Variants in STAB2 observed in about 807,000 individuals in gnomAD.
The protein encoded by STAB2 is stabilin 2.
A neutral mutation model predicts 338.1 loss-of-function variants in STAB2; 288 were observed. The ratio of observed to expected loss-of-function variants is 0.85; its 90% confidence interval spans 0.77 to 0.94. The LOEUF (loss-of-function observed/expected upper bound fraction) is 0.94. Ranked by LOEUF, STAB2 falls within the 40% of genes least tolerant of loss-of-function variation. STAB2 has a pLI of 0.00. For synonymous variants in STAB2, 1,202 were observed against 1,193.3 expected (o/e 1.01, Z -0.15); for missense variants, 3,141 against 3,210.1 (o/e 0.98, Z 0.52).
chr12:103,705,807 C>G, intron 37 of STAB2, 80 bp downstream of exon 37: 2 of 1,366,232 alleles, frequency 1.5e-6, no homozygotes, highest in Non-Finnish European at 2.1e-6. Context: ...TTCAAAATCC[C>G]TGTGCAGGTA....
At chr12:103,717,897 C>A in intron 44 of STAB2, 56 bp downstream of exon 44, 1 of 1,586,658 alleles carries the variant, frequency 6.3e-7, no homozygotes, top group Non-Finnish European at 8.7e-7. Flanking sequence ...GGGTGCCTCC[C>A]ACCCCACTTC....
Position 103,638,244 on chromosome 12 carries a change from T to A in STAB2, c.906+32T>A, listed in dbSNP as rs776114733. 3.2e-6 allele frequency: 5 copies of A among 1,564,580 alleles called. No homozygotes were observed. In the African/African-American group the frequency reaches 4.0e-5, roughly 13 times the overall value. On this transcript the variant is annotated intron_variant, in intron 8 of 68. Transcript: ENST00000388887. Reference sequence around the variant, plus strand: ...AAATGATGCAGGGAACTGATGTATCTAGAAGTTTGACAAGCCACTATGTGT... The same window carrying A: ...AAATGATGCAGGGAACTGATGTATCAAGAAGTTTGACAAGCCACTATGTGT...
intron 43 of STAB2, among the ~76,000 whole-genome samples, chr12:103,716,415 C>A (rs1042891440): frequency 6.6e-6 from 1 of 152,160 alleles, no homozygotes. Context: ...GGCAGGGAAG[C>A]TGGAGGCCTG....
intron 8 of STAB2, among the ~76,000 whole-genome samples, 171 bp downstream of exon 8, chr12:103,638,383 A>G (rs1957586931): frequency 1.3e-5 from 2 of 152,068 alleles, no homozygotes; most frequent in African/African-American, 4.8e-5. Flanking sequence ...GTGCCTGCTC[A>G]CCCAGTCTAT....
intron 15 of STAB2, among the ~76,000 whole-genome samples, 196 bp downstream of exon 15, chr12:103,655,777 C>T (rs919639492): frequency 3.3e-5 from 5 of 152,150 alleles, no homozygotes; most frequent in Admixed American, 6.5e-5. Context: ...TCAGTCTCTT[C>T]GATAGAATTT....
chr12:103,734,398 T>TATGGGAGCAAGCATGATCAC (rs1881934971), intron 51 of STAB2, among the ~76,000 whole-genome samples: 1 of 150,310 alleles, frequency 6.7e-6, no homozygotes, highest in East Asian at 2.0e-4. Context: ...AGCACAATCA[T>TATGGGAGCAAGCATGATCAC]ATGGGAGCAA....
chr12:103,677,222 C>CT (rs1168020096), intron 24 of STAB2, among the ~76,000 whole-genome samples: 3 of 152,342 alleles, frequency 2.0e-5, no homozygotes, highest in African/African-American at 7.2e-5. Flanking sequence ...CAGTCCCTGG[C>CT]TTAATAACTA....
At chr12:103,681,613 C>CTTTTTTTTTT (rs907234037) in intron 25 of STAB2, among the ~76,000 whole-genome samples, 1 of 92,952 alleles carries the variant, frequency 1.1e-5, no homozygotes, top group African/African-American at 4.5e-5. Context: ...TTCCCCCCTA[C>CTTTTTTTTTT]TTTTTTTTTT....
intron 23 of STAB2, 69 bp downstream of exon 23, chr12:103,674,156 C>T (rs17034360): frequency 7.4e-5 from 113 of 1,532,350 alleles, no homozygotes; most frequent in South Asian, 1.2e-4. Context: ...CACTTAATGA[C>T]GCTGTGTTAC....
At chr12:103,765,672 T>A (rs1884893481) in intron 68 of STAB2, among the ~76,000 whole-genome samples, 1 of 152,142 alleles carries the variant, frequency 6.6e-6, no homozygotes, top group Non-Finnish European at 1.5e-5. Context: ...CACCTCAGCC[T>A]CCCGAGTAGC....
rs75708215 is a variant in STAB2, at chr12:103,587,306, T to C, written c.-171T>C. On this transcript the variant is annotated 5_prime_UTR_variant, in exon 1 of 69. Transcript: ENST00000388887. ...TCCTGGATTTGCCATTTTTCCTTTC[T>C]GAAGGCAGGTCTCACCTATCTCCTG... The C allele has an allele frequency of 5.6e-3, 3,434 of 616,060 alleles. 109 individuals carry two copies. The African/African-American group carries it at 0.057, about 10-fold the overall frequency. 38.2% of individuals were successfully genotyped at this position (616,060 alleles called of 1,614,324 possible).
intron 3 of STAB2, among the ~76,000 whole-genome samples, chr12:103,617,654 G>A (rs1239270726): frequency 6.6e-6 from 1 of 152,214 alleles, no homozygotes; most frequent in Non-Finnish European, 1.5e-5. Context: ...AGCCTAGTTG[G>A]TGAGAGCAAC....
At chr12:103,619,321 C>G (rs1957260645) in intron 3 of STAB2, among the ~76,000 whole-genome samples, 1 of 152,092 alleles carries the variant, frequency 6.6e-6, no homozygotes, top group Non-Finnish European at 1.5e-5. Flanking sequence ...ACAGTCAGAG[C>G]TCATCCATAT....
intron 5 of STAB2, among the ~76,000 whole-genome samples, chr12:103,622,833 C>A (rs1372322386): frequency 6.6e-5 from 10 of 152,192 alleles, no homozygotes; most frequent in Admixed American, 2.6e-4. Flanking sequence ...TTTGCCTGCC[C>A]AGCTTTTCTC....
chr12:103,669,789 T>TGGGATGG (rs984216666), intron 21 of STAB2, among the ~76,000 whole-genome samples, 162 bp downstream of exon 21: 3 of 152,278 alleles, frequency 2.0e-5, no homozygotes, highest in African/African-American at 7.2e-5. Context: ...GATCTGGGTC[T>TGGGATGG]GGGATGGGGG....
chr12:103,669,081 T>C, intron 20 of STAB2: 1 of 268,046 alleles, frequency 3.7e-6, no homozygotes, highest in Non-Finnish European at 7.2e-6. Context: ...TCCCTGAGGC[T>C]AACTCATCTT....
In STAB2 at chr12:103,655,233, C is replaced by G. The variant is rs1036806384; in HGVS notation, c.1552-18C>G. 39 of 1,599,802 alleles carry G rather than the reference C, an allele frequency of 2.4e-5. No homozygotes were observed. The highest frequency in any genetic ancestry group is 3.1e-5 in the Non-Finnish European group (37 of 1,175,420). On this transcript the variant is annotated intron_variant, in intron 13 of 68. Coordinates refer to ENST00000388887, the MANE Select transcript of STAB2 (RefSeq NM_017564.10). The stretch of plus-strand genomic sequence containing the variant: ...AATATTTTATTTCCTGATTTTTAAG[C>G]AAAATGTCTCTTTTTAGCAAACCAT...
At chr12:103,725,670 G>T (rs770875532) in intron 45 of STAB2, among the ~76,000 whole-genome samples, 3 of 152,190 alleles carry the variant, frequency 2.0e-5, no homozygotes, top group Non-Finnish European at 4.4e-5. Context: ...GTGTGCATGT[G>T]TGTGTGTACT....
At chr12:103,693,449 A>C (rs76482617) in intron 31 of STAB2, among the ~76,000 whole-genome samples, 1 of 152,200 alleles carries the variant, frequency 6.6e-6, no homozygotes, top group South Asian at 2.1e-4. Context: ...AAACAAAAAA[A>C]AAACACACTT....
Sources: allele counts gnomAD v4.1 joint callset (sites outside exome capture counted in the v4.1 genomes callset), GRCh38; gene constraint gnomAD v4.1.1; transcripts MANE v1.5; gene names NCBI Gene and HGNC (gene_info 2026-07-23, HGNC 2026-07-21).